The following STRN3 variants were observed in gnomAD, a reference collection of about 807,000 sequenced individuals.
STRN3 encodes the protein striatin-3.
In STRN3, 29 loss-of-function variants were observed where a neutral mutation model predicts 95.6. That is an observed-to-expected ratio of 0.30 (90% CI 0.23 to 0.41). STRN3 has a LOEUF of 0.41. Among genes scored for constraint, STRN3 ranks in the 10% least tolerant of loss-of-function variants. STRN3 has a pLI of 1.00. For synonymous variants in STRN3, 331 were observed against 357.6 expected (o/e 0.93, Z 0.84); for missense variants, 890 against 972.1 (o/e 0.92, Z 1.12).
At chr14:30,940,817 T>C (rs1240820301) in intron 5 of STRN3, among the ~76,000 whole-genome samples, 2 of 152,202 alleles carry the variant, frequency 1.3e-5, no homozygotes, top group African/African-American at 4.8e-5. Context: ...CCCTCTCAAC[T>C]TGATCTTTGA....
At chr14:30,907,390 G>C (rs1896492602) in intron 13 of STRN3, among the ~76,000 whole-genome samples, 1 of 151,600 alleles carries the variant, frequency 6.6e-6, no homozygotes, top group East Asian at 1.9e-4. Context: ...GTTGTTCACA[G>C]AGTTATACAA....
At chr14:30,955,735 T>C (rs1879869885) in intron 2 of STRN3, 42 bp from the exon 3 acceptor site, 1 of 1,478,216 alleles carries the variant, frequency 6.8e-7, no homozygotes, top group African/African-American at 1.4e-5. Context: ...CAACTTCTTC[T>C]TTTTGTCACT....
At chr14:31,018,511 AT>A (rs1348426504) in intron 1 of STRN3, 2 of 425,000 alleles carry the variant, frequency 4.7e-6, no homozygotes, top group African/African-American at 4.1e-5. Context: ...GGGAACTTGG[AT>A]GCGAAACAAC....
rs558061039 is a variant in STRN3, at chr14:30,986,102, T to C, written c.283-29860A>G. Among the ~76,000 whole-genome samples the C allele has an allele frequency of 7.2e-5, 11 of 152,344 alleles. No individual in the cohort carries two copies. In the South Asian group the frequency reaches 2.3e-3, roughly 32 times the overall value. On this transcript the variant is annotated intron_variant, in intron 1 of 17. Coordinates refer to ENST00000357479, the MANE Select transcript of STRN3 (RefSeq NM_001083893.2). Reference sequence around the variant, plus strand: ...TATTAAAAAAAGAATGAGAATGATCTTTCTATGAAAGGAGTGAAGGTATAA... The same window carrying C: ...TATTAAAAAAAGAATGAGAATGATCCTTCTATGAAAGGAGTGAAGGTATAA...
intron 1 of STRN3, among the ~76,000 whole-genome samples, chr14:30,989,308 G>T (rs919509771): frequency 2.6e-5 from 4 of 152,122 alleles, no homozygotes; most frequent in African/African-American, 9.7e-5. Context: ...CCCATACCTG[G>T]AAGAGATGGC....
chr14:30,902,410 C>CT (rs1345468752), intron 16 of STRN3, 126 bp downstream of exon 16: 1 of 588,470 alleles, frequency 1.7e-6, no homozygotes, highest in Non-Finnish European at 2.8e-6. Context: ...AAGCAAAAAT[C>CT]TGAGTTAAAA....
intron 1 of STRN3, among the ~76,000 whole-genome samples, chr14:31,019,952 G>T (rs1404955192): frequency 6.7e-6 from 1 of 150,280 alleles, no homozygotes; most frequent in Non-Finnish European, 1.5e-5. Context: ...CCAACTCCTG[G>T]GCTCAAGTGA....
At chr14:30,970,434 C>T (rs557702639) in intron 1 of STRN3, among the ~76,000 whole-genome samples, 84 of 152,318 alleles carry the variant, frequency 5.5e-4, no homozygotes, top group African/African-American at 1.1e-3. Flanking sequence ...ACCATACATT[C>T]ATTTTACTAA....
At chr14:30,918,194 AT>A (rs1566434610) in intron 9 of STRN3, among the ~76,000 whole-genome samples, 1 of 152,150 alleles carries the variant, frequency 6.6e-6, no homozygotes, top group East Asian at 1.9e-4. Flanking sequence ...AGTTACATAT[AT>A]TTTTTGAAGT....
At chr14:30,956,087 T>C (rs1042644211) in intron 2 of STRN3, 52 bp downstream of exon 2, 2 of 1,425,070 alleles carry the variant, frequency 1.4e-6, no homozygotes, top group Admixed American at 3.4e-5. Context: ...ATGGTATACA[T>C]GAGTATACTA....
intron 1 of STRN3, among the ~76,000 whole-genome samples, chr14:31,004,511 C>G (rs923654007): frequency 5.3e-5 from 8 of 152,136 alleles, no homozygotes; most frequent in Admixed American, 5.2e-4. Flanking sequence ...TGATGGCTCA[C>G]ACCTATAATC....
chr14:30,901,409 A>G lies in STRN3; in HGVS notation c.2137+1127T>C, dbSNP rs918066038. ...TTAAAAAGAATCTGTCCATGAAAGT[A>G]ATGTTTGAACAAAAGGGTCTCATTG... On this transcript the variant is annotated intron_variant, in intron 16 of 17. Transcript: ENST00000357479. Among the ~76,000 whole-genome samples, 5 of 152,338 alleles carry G rather than the reference A, an allele frequency of 3.3e-5. No individual in the cohort carries two copies. In the East Asian group the frequency reaches 7.7e-4, roughly 23 times the overall value.
intron 1 of STRN3, among the ~76,000 whole-genome samples, chr14:30,990,684 C>A (rs1881911972): frequency 6.6e-6 from 1 of 152,070 alleles, no homozygotes. Flanking sequence ...TCAGGACCCT[C>A]CTAGGATACC....
intron 9 of STRN3, among the ~76,000 whole-genome samples, 174 bp from the exon 10 acceptor site, chr14:30,913,831 G>C (rs776478720): frequency 6.6e-6 from 1 of 152,106 alleles, no homozygotes; most frequent in Non-Finnish European, 1.5e-5. Flanking sequence ...AAATGTGTTG[G>C]AACTGTGGTG....
intron 1 of STRN3, among the ~76,000 whole-genome samples, chr14:31,014,051 A>C (rs185148279): frequency 2.6e-5 from 4 of 151,692 alleles, no homozygotes; most frequent in Non-Finnish European, 5.9e-5. Context: ...TACAGGTACA[A>C]CACCATTGTG....
intron 8 of STRN3, among the ~76,000 whole-genome samples, chr14:30,919,340 CAT>C (rs1490656491): frequency 2.7e-5 from 4 of 150,764 alleles, no homozygotes; most frequent in African/African-American, 7.3e-5. Context: ...ATCTATATTA[CAT>C]ATATGTCTCT....
intron 3 of STRN3, among the ~76,000 whole-genome samples, chr14:30,951,933 C>A (rs188964917): frequency 3.9e-5 from 6 of 152,118 alleles, no homozygotes; most frequent in Admixed American, 3.9e-4. Context: ...GCCTGAGCAA[C>A]ACGGTGAAAC....
chr14:30,982,797 G>A (rs1202370167), intron 1 of STRN3, among the ~76,000 whole-genome samples: 3 of 151,926 alleles, frequency 2.0e-5, no homozygotes, highest in Admixed American at 6.6e-5. Flanking sequence ...ATACAGTCTC[G>A]TTATGTTGCC....
intron 4 of STRN3, among the ~76,000 whole-genome samples, chr14:30,949,851 G>A (rs1004001614): frequency 2.0e-5 from 3 of 152,094 alleles, no homozygotes; most frequent in African/African-American, 7.2e-5. Flanking sequence ...AGCAGGGGGT[G>A]GCCAAGGGTT....
Sources: gnomAD v4.1 joint callset for allele counts (sites outside exome capture counted in the v4.1 genomes callset) on GRCh38, gnomAD v4.1.1 for gene constraint, MANE v1.5 for transcripts, NCBI Gene and HGNC (gene_info 2026-07-23, HGNC 2026-07-21) for gene names.